Variants in TMEM116 observed in about 807,000 individuals in gnomAD.
TMEM116 encodes the protein transmembrane protein 116.
In TMEM116, 38 loss-of-function variants were observed where a neutral mutation model predicts 44.3. The ratio of observed to expected loss-of-function variants is 0.86; its 90% CI spans 0.66 to 1.12. TMEM116 has a LOEUF of 1.12. TMEM116 is among the 50% of genes most tolerant of loss of function. The pLI, the probability that TMEM116 is intolerant of heterozygous loss-of-function variation, is 0.00. For synonymous variants in TMEM116, 132 were observed against 144.8 expected (o/e 0.91, Z 0.64); for missense variants, 354 against 401.7 (o/e 0.88, Z 1.01).
At chr12:111,988,003 G>A (rs1490208851) in intron 4 of TMEM116, among the ~76,000 whole-genome samples, 1 of 152,178 alleles carries the variant, frequency 6.6e-6, no homozygotes, top group Non-Finnish European at 1.5e-5. Flanking sequence ...CCTTAAAAAC[G>A]AAGGAAATTC....
intron 4 of TMEM116, among the ~76,000 whole-genome samples, chr12:111,956,766 C>G (rs1220446458): frequency 6.6e-6 from 1 of 152,196 alleles, no homozygotes; most frequent in East Asian, 1.9e-4. Flanking sequence ...CTGCCAGCCT[C>G]GGCCTCCTGA....
At position 111,981,064 on chromosome 12, in the gene TMEM116, C is replaced by CAA. The variant is rs147175860; in HGVS notation, c.210+10692_210+10693dup. ...TGGGTAACAGAGCGAGACACTGTCT[C>CAA]AAAAAAAAAAAAAAAGAAACTTATC... On this transcript the variant is annotated intron_variant, in intron 4 of 10. Coordinates refer to ENST00000552374, the MANE Select transcript of TMEM116 (RefSeq NM_001193531.2). Among the ~76,000 whole-genome samples the CAA allele has an allele frequency of 1.8e-3, 197 of 110,760 alleles. 2 individuals carry two copies. The highest frequency in any genetic ancestry group is 5.9e-3 in the African/African-American group (191 of 32,620). 72.7% of individuals were successfully genotyped at this position (110,760 alleles called of 152,430 possible).
At chr12:112,005,595 C>G in intron 1 of TMEM116, 1 of 693,574 alleles carries the variant, frequency 1.4e-6, no homozygotes, top group Non-Finnish European at 1.8e-6. Context: ...GGCACTGAGG[C>G]TCATACCTGT....
At chr12:111,991,525 A>G (rs1414809554) in intron 4 of TMEM116, among the ~76,000 whole-genome samples, 45 of 131,310 alleles carry the variant, frequency 3.4e-4, no homozygotes, top group Non-Finnish European at 2.5e-4. Flanking sequence ...TCTGTCTCAG[A>G]AAAAAAAAAA....
intron 4 of TMEM116, among the ~76,000 whole-genome samples, chr12:111,986,091 C>T (rs762299451): frequency 3.9e-5 from 6 of 152,000 alleles, no homozygotes; most frequent in Non-Finnish European, 7.4e-5. Context: ...CATGATGGCT[C>T]ACGCCTGTAT....
intron 2 of TMEM116, among the ~76,000 whole-genome samples, chr12:112,004,641 A>C (rs1401655116): frequency 6.6e-6 from 1 of 151,010 alleles, no homozygotes; most frequent in Non-Finnish European, 1.5e-5. Context: ...CTCCTTATCC[A>C]GAGGCCATGC....
intron 4 of TMEM116, among the ~76,000 whole-genome samples, chr12:111,968,658 A>G (rs2075122799): frequency 6.6e-6 from 1 of 152,256 alleles, no homozygotes; most frequent in South Asian, 2.1e-4. Flanking sequence ...ACTACATTCT[A>G]TCTTTTCAGT....
At chr12:111,937,591 T>G (rs985306210) in intron 6 of TMEM116, among the ~76,000 whole-genome samples, 1 of 152,186 alleles carries the variant, frequency 6.6e-6, no homozygotes, top group Non-Finnish European at 1.5e-5. Context: ...TTTTACTTTC[T>G]ATGGTGACCA....
At chr12:111,996,237 T>G (rs1230978842) in intron 3 of TMEM116, among the ~76,000 whole-genome samples, 2 of 151,410 alleles carry the variant, frequency 1.3e-5, no homozygotes, top group African/African-American at 4.9e-5. Context: ...AATGAAAAAT[T>G]GAGTCTGTGT....
intron 4 of TMEM116, among the ~76,000 whole-genome samples, chr12:111,955,402 A>C (rs763556105): frequency 9.2e-5 from 14 of 152,184 alleles, no homozygotes; most frequent in Non-Finnish European, 1.6e-4. Flanking sequence ...GAAAGCATGG[A>C]ATTTGTTCCT....
intron 4 of TMEM116, among the ~76,000 whole-genome samples, chr12:111,982,352 G>A (rs1017351307): frequency 6.3e-4 from 95 of 150,244 alleles, no homozygotes; most frequent in African/African-American, 2.1e-3. Flanking sequence ...CCAGACTGGA[G>A]TGCAGTGGTG....
intron 4 of TMEM116, among the ~76,000 whole-genome samples, chr12:111,990,719 C>T (rs2076511614): frequency 6.6e-6 from 1 of 152,142 alleles, no homozygotes; most frequent in Non-Finnish European, 1.5e-5. Context: ...GTATTACATA[C>T]TGATGGCACT....
chr12:111,978,422 C>A (rs1255755085), intron 4 of TMEM116, among the ~76,000 whole-genome samples: 2 of 151,850 alleles, frequency 1.3e-5, no homozygotes, highest in African/African-American at 4.8e-5. Context: ...AAAGGCCCAT[C>A]TATATGTTGT....
intron 4 of TMEM116, among the ~76,000 whole-genome samples, chr12:111,943,744 C>T (rs1421667631): frequency 6.6e-6 from 1 of 152,096 alleles, no homozygotes; most frequent in Non-Finnish European, 1.5e-5. Context: ...ACCATGTTGG[C>T]CAGGCTGGTC....
chr12:111,945,217 G>A (rs1456865203), intron 4 of TMEM116, among the ~76,000 whole-genome samples: 1 of 151,380 alleles, frequency 6.6e-6, no homozygotes, highest in Middle Eastern at 3.2e-3. Flanking sequence ...GGTGGTGTGT[G>A]CCTGTAGTCC....
intron 4 of TMEM116, among the ~76,000 whole-genome samples, chr12:111,987,133 A>G (rs1018130538): frequency 6.6e-6 from 1 of 152,202 alleles, no homozygotes; most frequent in Non-Finnish European, 1.5e-5. Context: ...CAATATTTGC[A>G]CATTGTATGT....
chr12:111,969,320 CA>C lies in TMEM116; in HGVS notation c.210+22437del, dbSNP rs540048259. Reference sequence around the variant, plus strand: ...GGGCAACAAGAGCGACGCTCCATCTCAAAAAAAAAAAAAAAAAATCTACATT... The same window carrying C: ...GGGCAACAAGAGCGACGCTCCATCTCAAAAAAAAAAAAAAAAATCTACATT... On this transcript the variant is annotated intron_variant, in intron 4 of 10. Coordinates refer to ENST00000552374, the MANE Select transcript of TMEM116 (RefSeq NM_001193531.2). 6.0e-3 allele frequency among the ~76,000 whole-genome samples: 525 copies of C among 86,780 alleles called. 3 individuals are homozygous for C. The highest frequency in any genetic ancestry group is 8.7e-3 in the African/African-American group (211 of 24,382). The allele number at this position is 86,780 out of a possible 152,430, so 56.9% of individuals were successfully genotyped here. A position where few individuals can be genotyped will look rare whatever the true frequency, so the allele number is the denominator to read the frequency against.
chr12:111,984,559 C>G (rs2076121364), intron 4 of TMEM116, among the ~76,000 whole-genome samples: 1 of 151,814 alleles, frequency 6.6e-6, no homozygotes. Context: ...TGACTATAGT[C>G]AACAATAACT....
intron 4 of TMEM116, among the ~76,000 whole-genome samples, chr12:111,974,447 C>T (rs1209170811): frequency 2.0e-5 from 3 of 151,756 alleles, no homozygotes; most frequent in Non-Finnish European, 2.9e-5. Flanking sequence ...GTCAGGAGTT[C>T]GAGACCAGCC....
Sources: allele counts gnomAD v4.1 joint callset (sites outside exome capture counted in the v4.1 genomes callset), GRCh38; gene constraint gnomAD v4.1.1; transcripts MANE v1.5; gene names NCBI Gene and HGNC (gene_info 2026-07-23, HGNC 2026-07-21).